TNFSF4: variants seen among roughly 807,000 people sequenced by gnomAD.
The protein encoded by TNFSF4 is TNF superfamily member 4.
A neutral mutation model predicts 7.3 loss-of-function variants in TNFSF4; 4 were observed. That is an observed-to-expected ratio of 0.55 (90% confidence interval 0.27 to 1.25). TNFSF4 has a LOEUF of 1.25. Among genes scored for constraint, TNFSF4 ranks in the 50% most tolerant of loss-of-function variants. The pLI, the probability that TNFSF4 is intolerant of heterozygous loss-of-function variation, is 0.12. For missense variants in TNFSF4, 181 were observed against 208.8 expected (o/e 0.87, Z 0.82); for synonymous variants, 76 against 83.7 (o/e 0.91, Z 0.50).
the TNFSF4 span, among the ~76,000 whole-genome samples, chr1:173,333,725 C>T: frequency 2.0e-5 from 3 of 152,140 alleles, no homozygotes; most frequent in Admixed American, 6.6e-5. Flanking sequence ...TTTCAGCCAC[C>T]AGAACAGTGA....
the TNFSF4 span, among the ~76,000 whole-genome samples, chr1:173,262,311 G>A: frequency 7.2e-5 from 11 of 152,086 alleles, no homozygotes; most frequent in Non-Finnish European, 1.6e-4. Flanking sequence ...CAATAAAATA[G>A]ATGTTGATGG....
the TNFSF4 span, among the ~76,000 whole-genome samples, chr1:173,216,026 T>A: frequency 6.6e-6 from 1 of 152,144 alleles, no homozygotes; most frequent in Admixed American, 6.5e-5. Flanking sequence ...AAGATTTGCA[T>A]CCACATGAAA....
At chr1:173,251,636 TAA>T in the TNFSF4 span, among the ~76,000 whole-genome samples, 9 of 152,230 alleles carry the variant, frequency 5.9e-5, no homozygotes, top group East Asian at 1.7e-3. Flanking sequence ...TTATTTAATC[TAA>T]GTGTTATTTT....
At chr1:173,249,390 A>G in the TNFSF4 span, among the ~76,000 whole-genome samples, 1 of 152,218 alleles carries the variant, frequency 6.6e-6, no homozygotes, top group Non-Finnish European at 1.5e-5. Context: ...AGCTTGAGGG[A>G]ACTATCCAAA....
chr1:173,296,081 G>A, the TNFSF4 span, among the ~76,000 whole-genome samples: 85 of 152,088 alleles, frequency 5.6e-4, 1 homozygote, highest in Middle Eastern at 0.02. Context: ...ATTAAATGGA[G>A]AAGTAAAAGA....
At chr1:173,305,446 C>T in the TNFSF4 span, among the ~76,000 whole-genome samples, 1 of 151,760 alleles carries the variant, frequency 6.6e-6, no homozygotes, top group African/African-American at 2.4e-5. Flanking sequence ...TAAACTTTTC[C>T]GTTCAAGCAT....
chr1:173,258,609 G>C, the TNFSF4 span, among the ~76,000 whole-genome samples: 1 of 152,186 alleles, frequency 6.6e-6, no homozygotes, highest in Non-Finnish European at 1.5e-5. Flanking sequence ...TAAGATGACT[G>C]AGTTCCCGGG....
chr1:173,324,265 A>G, the TNFSF4 span, among the ~76,000 whole-genome samples: 1 of 152,170 alleles, frequency 6.6e-6, no homozygotes, highest in African/African-American at 2.4e-5. Flanking sequence ...GCCGAACCAA[A>G]CTTCATAAGT....
At chr1:173,302,876 C>A in the TNFSF4 span, among the ~76,000 whole-genome samples, 1 of 151,626 alleles carries the variant, frequency 6.6e-6, no homozygotes, top group Non-Finnish European at 1.5e-5. Flanking sequence ...ATAAAAGACA[C>A]CTTTGAAAAA....
the TNFSF4 span, among the ~76,000 whole-genome samples, chr1:173,247,931 A>G: frequency 3.9e-5 from 6 of 152,222 alleles, no homozygotes; most frequent in Non-Finnish European, 8.8e-5. Context: ...GTTACATTAA[A>G]GAAGTTCAAA....
the TNFSF4 span, among the ~76,000 whole-genome samples, chr1:173,357,876 A>G: frequency 6.6e-6 from 1 of 152,166 alleles, no homozygotes; most frequent in Admixed American, 6.5e-5. Flanking sequence ...TCCCACATAA[A>G]TAAGAATAAC....
chr1:173,342,842 A>G, the TNFSF4 span, among the ~76,000 whole-genome samples: 1 of 152,240 alleles, frequency 6.6e-6, no homozygotes, highest in African/African-American at 2.4e-5. Flanking sequence ...TGAGAAATCT[A>G]GAAGTGATCG....
upstream of TNFSF4, among the ~76,000 whole-genome samples, chr1:173,211,553 C>A (rs2102007212): frequency 6.6e-6 from 1 of 152,310 alleles, no homozygotes; most frequent in African/African-American, 2.4e-5. Flanking sequence ...TTTCCTCCTG[C>A]AGGAGTTCCA....
At chr1:173,299,902 G>A in the TNFSF4 span, among the ~76,000 whole-genome samples, 2 of 151,768 alleles carry the variant, frequency 1.3e-5, no homozygotes, top group East Asian at 2.0e-4. Flanking sequence ...GTAGGCTGAG[G>A]GGCTCATCAA....
the TNFSF4 span, among the ~76,000 whole-genome samples, chr1:173,306,501 AGGTAT>A: frequency 6.6e-6 from 1 of 151,930 alleles, no homozygotes; most frequent in East Asian, 1.9e-4. Context: ...AGTCTAGTGT[AGGTAT>A]TCTCTCTGCA....
chr1:173,340,323 T>TACACACACACACAC, the TNFSF4 span, among the ~76,000 whole-genome samples: 1 of 135,758 alleles, frequency 7.4e-6, no homozygotes, highest in Admixed American at 7.4e-5. Context: ...CTAATCTGTT[T>TACACACACACACAC]ACACACACAC....
the TNFSF4 span, among the ~76,000 whole-genome samples, chr1:173,392,111 G>A: frequency 2.4e-4 from 37 of 152,280 alleles, no homozygotes; most frequent in African/African-American, 8.7e-4. Context: ...GGTGACAAAT[G>A]GAGTTCTAAC....
chr1:173,325,213 G>C, the TNFSF4 span, among the ~76,000 whole-genome samples: 13 of 152,144 alleles, frequency 8.5e-5, no homozygotes, highest in Admixed American at 1.3e-4. Context: ...AAGAATCTCA[G>C]TCAAAACCGC....
the TNFSF4 span, among the ~76,000 whole-genome samples, chr1:173,401,993 G>A: frequency 0.013 from 1,986 of 152,248 alleles, 54 homozygotes; most frequent in African/African-American, 0.045. Context: ...TGTCAGTTTC[G>A]TATTTTCCAT....
Sources: gnomAD v4.1 joint callset for allele counts (sites outside exome capture counted in the v4.1 genomes callset) on GRCh38, gnomAD v4.1.1 for gene constraint, MANE v1.5 for transcripts, NCBI Gene and HGNC (gene_info 2026-07-23, HGNC 2026-07-21) for gene names.